The following CDH23 variants were observed in gnomAD, a reference collection of about 807,000 sequenced individuals.
CDH23 encodes the protein cadherin related 23.
A neutral mutation model predicts 317.1 loss-of-function variants in CDH23; 189 were observed. The ratio of observed to expected loss-of-function variants is 0.60; its 90% CI spans 0.53 to 0.67. The LOEUF (loss-of-function observed/expected upper bound fraction) is 0.67, where lower values mean the gene tolerates loss of function less well. CDH23 is among the 30% of genes least tolerant of loss of function. The probability of loss-of-function intolerance (pLI) is 0.00; values close to 1 mark genes in which losing one functional copy is unlikely to be tolerated. For missense variants in CDH23, 4,401 were observed against 4,592.4 expected (o/e 0.96, Z 1.20); for synonymous variants, 1,839 against 1,876.8 (o/e 0.98, Z 0.52).
chr10:71,798,974 C>T, intron 50 of CDH23, 137 bp from the exon 51 acceptor site: 1 of 745,208 alleles, frequency 1.3e-6, no homozygotes, highest in Non-Finnish European at 2.2e-6. Context: ...TGCCCTGCAA[C>T]TGGGTGGTGC....
Position 71,620,208 on chromosome 10 carries a change from T to G in CDH23, c.1134+2815T>G, listed in dbSNP as rs371456006. Among the ~76,000 whole-genome samples, 19 of 152,136 alleles carry G rather than the reference T, an allele frequency of 1.2e-4. No individual in the cohort carries two copies. The East Asian group carries it at 2.1e-3, about 17-fold the overall frequency. On this transcript the variant is annotated intron_variant, in intron 11 of 69. Coordinates refer to ENST00000224721, the MANE Select transcript of CDH23 (RefSeq NM_022124.6). ...GGCTCCGTGACTTCTACCCAATGAC[T>G]ATTGGCCAGAACTAGTTATGTGCCC... is the stretch of plus-strand genomic sequence containing the variant.
chr10:71,628,026 C>T (rs1373943361), intron 11 of CDH23, among the ~76,000 whole-genome samples: 2 of 152,214 alleles, frequency 1.3e-5, no homozygotes, highest in East Asian at 3.8e-4. Flanking sequence ...CTGCCTGCCC[C>T]ATTGGCCACC....
Position 71,791,072 on chromosome 10 carries a change from C to G in CDH23, c.6050-60C>G, listed in dbSNP as rs1170224180. 12 of 1,393,162 alleles carry G rather than the reference C, an allele frequency of 8.6e-6. 1 individual carries two copies. The highest frequency in any genetic ancestry group is 1.1e-5 in the Non-Finnish European group (11 of 1,012,742). 86.3% of individuals were successfully genotyped at this position (1,393,162 alleles called of 1,614,324 possible). On this transcript the variant is annotated intron_variant, in intron 46 of 69. Transcript: ENST00000224721. Reference sequence around the variant, plus strand: ...TGCTCTCTCCCTGTTGGTTCTTGCCCTGTCTTCCCACCGCACCCCTTTTCT... The same window carrying G: ...TGCTCTCTCCCTGTTGGTTCTTGCCGTGTCTTCCCACCGCACCCCTTTTCT...
At chr10:71,597,658 G>A (rs190320204) in intron 9 of CDH23, among the ~76,000 whole-genome samples, 45 of 152,222 alleles carry the variant, frequency 3.0e-4, no homozygotes, top group African/African-American at 1.0e-3. Flanking sequence ...GTGTGGCCCT[G>A]GGGGTCAGGG....
intron 1 of CDH23, among the ~76,000 whole-genome samples, chr10:71,403,314 T>TCTTTCTTCCTTCCTTC (rs1847873707): frequency 1.9e-5 from 2 of 102,770 alleles, no homozygotes; most frequent in African/African-American, 1.4e-4. Flanking sequence ...TCTTTCTCTT[T>TCTTTCTTCCTTCCTTC]CTTCCTTCCT....
intron 1 of CDH23, among the ~76,000 whole-genome samples, chr10:71,419,615 G>A (rs1328995244): frequency 6.6e-6 from 1 of 151,942 alleles, no homozygotes; most frequent in Non-Finnish European, 1.5e-5. Context: ...TGAACCCCTA[G>A]GTACTCACCA....
intron 14 of CDH23, among the ~76,000 whole-genome samples, chr10:71,674,851 G>A (rs1357211235): frequency 6.6e-6 from 1 of 152,236 alleles, no homozygotes; most frequent in Non-Finnish European, 1.5e-5. Flanking sequence ...GGGAGATGGA[G>A]GAGGGCCTCC....
chr10:71,639,133 G>A (rs1481479931), intron 11 of CDH23, among the ~76,000 whole-genome samples: 2 of 152,246 alleles, frequency 1.3e-5, no homozygotes, highest in Non-Finnish European at 2.9e-5. Flanking sequence ...TAGTGGCTGG[G>A]CTCTGGCTCC....
intron 9 of CDH23, among the ~76,000 whole-genome samples, chr10:71,594,150 A>G (rs889667134): frequency 1.3e-5 from 2 of 152,200 alleles, no homozygotes; most frequent in Non-Finnish European, 2.9e-5. Context: ...GAGGGTAGTA[A>G]ACATGATCTG....
chr10:71,669,947 G>A (rs1005792957), intron 14 of CDH23, among the ~76,000 whole-genome samples: 2 of 152,190 alleles, frequency 1.3e-5, no homozygotes, highest in Non-Finnish European at 2.9e-5. Flanking sequence ...GTTGCAGTGA[G>A]CCAAGATCGC....
Position 71,799,139 on chromosome 10 carries a change from C to G in CDH23, c.7083C>G (p.Asp2361Glu). ...AGGTCATTGCCAACCGGACAGTGGA[C>G]TACGAGGAGGTGCACTGGCTCAACT... ...AGKVIANRTV[D>E]YEEVHWLNFT... The change falls in exon 51 of 70, where the codon GAC becomes GAG. Residue 2361 changes from aspartate (D) to glutamate (E), a missense_variant. Around this residue, in one of 3 missense-constraint regions of CDH23, gnomAD observed 189 missense variants for 250.9 expected, o/e 0.75. Transcript: ENST00000224721. The G allele has an allele frequency of 2.5e-6, 4 of 1,613,972 alleles. No homozygotes were observed. The highest frequency in any genetic ancestry group is 3.4e-6 in the Non-Finnish European group (4 of 1,179,842).
At chr10:71,512,134 G>GGGA (rs1303811621) in intron 6 of CDH23, 1 of 152,220 alleles carries the variant, frequency 6.6e-6, no homozygotes, top group African/African-American at 2.4e-5. Flanking sequence ...GGCTGGGCAT[G>GGGA]GGAGAGTGAC....
chr10:71,501,341 G>A (rs559551420), intron 3 of CDH23, among the ~76,000 whole-genome samples: 7 of 152,294 alleles, frequency 4.6e-5, no homozygotes, highest in African/African-American at 7.2e-5. Context: ...AGTTCATGCC[G>A]TCCCCTCCAA....
intron 6 of CDH23, among the ~76,000 whole-genome samples, chr10:71,522,128 G>GTTTTTTTTTTTTT (rs34189051): frequency 6.8e-6 from 1 of 148,084 alleles, no homozygotes. Flanking sequence ...GCTTACACAG[G>GTTTTTTTTTTTTT]TTTTTTTTTT....
At chr10:71,529,564 T>C (rs1046385235) in intron 6 of CDH23, among the ~76,000 whole-genome samples, 24 of 152,168 alleles carry the variant, frequency 1.6e-4, no homozygotes, top group African/African-American at 5.3e-4. Context: ...GGGTATGTTT[T>C]TCTAAGTTGT....
chr10:71,566,681 C>T lies in CDH23; in HGVS notation c.430-61C>T, dbSNP rs947348142. ...GAGAATGGGCTTTGAGGGACTCAGC[C>T]CTGATGGCGCAGCTGCTCCGCACTG... On this transcript the variant is annotated intron_variant, in intron 6 of 69. Transcript: ENST00000224721. 8.2e-6 allele frequency: 12 copies of T among 1,461,928 alleles called. No homozygotes were observed. In the African/African-American group the frequency reaches 1.5e-4, roughly 19 times the overall value. The allele number at this position is 1,461,928 out of a possible 1,614,324, so 90.6% of individuals were successfully genotyped here.
intron 1 of CDH23, among the ~76,000 whole-genome samples, chr10:71,425,402 A>AGGAAGGAAGGAAGGAAGGAT (rs1459026089): frequency 1.3e-5 from 2 of 150,216 alleles, no homozygotes; most frequent in Non-Finnish European, 3.0e-5. Context: ...GAAGGAAGGA[A>AGGAAGGAAGGAAGGAAGGAT]GGAAGGAAGG....
At chr10:71,656,629 A>G (rs1016687399) in intron 14 of CDH23, among the ~76,000 whole-genome samples, 2 of 152,134 alleles carry the variant, frequency 1.3e-5, no homozygotes, top group Non-Finnish European at 2.9e-5. Context: ...TTGCTACTGC[A>G]TCGTTATATC....
At position 71,694,687 on chromosome 10, in the gene CDH23, A is replaced by C. The variant is rs1227076; in HGVS notation, c.2289+428A>C. 0.57 allele frequency among the ~76,000 whole-genome samples: 87,294 copies of C among 151,872 alleles called. 25,418 individuals carry two copies. The highest frequency in any genetic ancestry group is 0.79 in the South Asian group (3,781 of 4,816). On this transcript the variant is annotated intron_variant, in intron 21 of 69. Transcript: ENST00000224721. Reference sequence around the variant, plus strand: ...TTCTCCCCCATCTAATGTGCCCCAGAGAGTAGAAAGCTAGAGGAACGAAAC... The same window carrying C: ...TTCTCCCCCATCTAATGTGCCCCAGCGAGTAGAAAGCTAGAGGAACGAAAC...
Sources: gnomAD v4.1 joint callset for allele counts (sites outside exome capture counted in the v4.1 genomes callset) on GRCh38, gnomAD v4.1.1 for gene constraint, gnomAD v4.1.1 regional missense constraint, MANE v1.5 for transcripts, NCBI Gene and HGNC (gene_info 2026-07-23, HGNC 2026-07-21) for gene names.